The following ABAT variants were observed in gnomAD, a reference collection of about 807,000 sequenced individuals.
The protein encoded by ABAT is 4-aminobutyrate aminotransferase, mitochondrial.
Under a neutral mutation model 64.6 loss-of-function variants are expected in ABAT, and 45 were observed. The observed-to-expected ratio is 0.70, with a 90% CI of 0.55 to 0.89. The LOEUF (loss-of-function observed/expected upper bound fraction) is 0.89, where lower values mean the gene tolerates loss of function less well. ABAT is among the 40% of genes least tolerant of loss of function. The probability of loss-of-function intolerance (pLI) is 0.00; values close to 1 mark genes in which losing one functional copy is unlikely to be tolerated. For synonymous variants in ABAT, 297 were observed against 250.5 expected (o/e 1.19, Z -1.75); for missense variants, 633 against 658.4 (o/e 0.96, Z 0.42).
chr16:8,712,357 A>G (rs1422638414), intron 1 of ABAT, among the ~76,000 whole-genome samples: 1 of 152,224 alleles, frequency 6.6e-6, no homozygotes, highest in Admixed American at 6.5e-5. Flanking sequence ...AAATGCATCA[A>G]AAACAGGATG....
intron 1 of ABAT, among the ~76,000 whole-genome samples, chr16:8,692,387 T>G (rs971759316): frequency 2.0e-5 from 3 of 152,146 alleles, no homozygotes; most frequent in Admixed American, 6.6e-5. Flanking sequence ...AAAAAATACA[T>G]TATAATTAAT....
chr16:8,708,464 GC>G (rs2057998909), intron 1 of ABAT, among the ~76,000 whole-genome samples: 1 of 151,870 alleles, frequency 6.6e-6, no homozygotes, highest in Non-Finnish European at 1.5e-5. Context: ...GTGGTGGGGG[GC>G]GCAGGTGGCT....
At chr16:8,767,929 G>A (rs554694753) in intron 9 of ABAT, among the ~76,000 whole-genome samples, 17 of 152,014 alleles carry the variant, frequency 1.1e-4, no homozygotes, top group Admixed American at 7.2e-4. Context: ...GCCTGCCTCA[G>A]CCTTCCAAAG....
chr16:8,708,142 A>G (rs538220036), intron 1 of ABAT, among the ~76,000 whole-genome samples: 1 of 148,282 alleles, frequency 6.7e-6, no homozygotes, highest in South Asian at 2.2e-4. Flanking sequence ...CATTCCCTCT[A>G]ATTCTCAGCC....
At chr16:8,701,918 G>A (rs544540942) in intron 1 of ABAT, among the ~76,000 whole-genome samples, 3 of 151,506 alleles carry the variant, frequency 2.0e-5, no homozygotes, top group South Asian at 4.2e-4. Flanking sequence ...AGTGTGGCTG[G>A]AGCAGAGCAG....
At chr16:8,685,757 A>G (rs902818706) in intron 1 of ABAT, among the ~76,000 whole-genome samples, 2 of 152,188 alleles carry the variant, frequency 1.3e-5, no homozygotes, top group African/African-American at 4.8e-5. Flanking sequence ...ATGGAGAGGC[A>G]TGGGTGGATG....
intron 1 of ABAT, among the ~76,000 whole-genome samples, chr16:8,728,049 C>T (rs1351522071): frequency 4.0e-5 from 6 of 150,000 alleles, no homozygotes; most frequent in South Asian, 2.1e-4. Flanking sequence ...CCAGCCTGGG[C>T]GACAGAGTGA....
chr16:8,730,836 C>A (rs2058697654), intron 1 of ABAT, among the ~76,000 whole-genome samples: 1 of 152,210 alleles, frequency 6.6e-6, no homozygotes, highest in South Asian at 2.1e-4. Flanking sequence ...CTCTCAACCC[C>A]AACGCTGGCT....
chr16:8,765,464 G>C (rs2059917666), intron 8 of ABAT, among the ~76,000 whole-genome samples: 1 of 152,062 alleles, frequency 6.6e-6, no homozygotes, highest in Non-Finnish European at 1.5e-5. Flanking sequence ...AAGAGTTCAA[G>C]ACCAGCCTGG....
intron 1 of ABAT, among the ~76,000 whole-genome samples, chr16:8,702,567 A>C (rs1027326530): frequency 1.3e-5 from 2 of 152,098 alleles, no homozygotes; most frequent in Non-Finnish European, 2.9e-5. Context: ...TCTTTTAAAC[A>C]ACCACATCTC....
At chr16:8,696,518 T>G (rs1273372) in intron 1 of ABAT, among the ~76,000 whole-genome samples, 14,850 of 151,596 alleles carry the variant, frequency 0.098, 826 homozygotes, top group Middle Eastern at 0.17. Flanking sequence ...TACTCAGGAG[T>G]CTGAGACAGG....
intron 2 of ABAT, among the ~76,000 whole-genome samples, chr16:8,742,322 A>C (rs1357009046): frequency 4.6e-5 from 7 of 152,228 alleles, no homozygotes; most frequent in African/African-American, 9.6e-5. Flanking sequence ...CCGGTTCCCA[A>C]GAAATCTGAT....
intron 5 of ABAT, among the ~76,000 whole-genome samples, chr16:8,751,215 CTGGGAT>C (rs2059471783): frequency 6.6e-6 from 1 of 152,114 alleles, no homozygotes; most frequent in Non-Finnish European, 1.5e-5. Context: ...TCCCACAGTG[CTGGGAT>C]TACAGGTGTG....
Position 8,774,925 on chromosome 16 carries a change from C to T in ABAT, c.990C>T (p.Thr330=), listed in dbSNP as rs369874487. The T allele has an allele frequency of 2.7e-5, 44 of 1,614,058 alleles. No homozygotes were observed. The highest frequency in any genetic ancestry group is 1.6e-4 in the East Asian group (7 of 44,872). The change falls in exon 13 of 16, where the codon ACC becomes ACT. Residue 330 remains threonine (T), a synonymous_variant. Transcript: ENST00000268251. The part of the protein sequence containing the change: ...GCAFLVDEVQ[T]GGGCTGKFWA... ...CCTTCTTGGTGGACGAGGTCCAGAC[C>T]GGAGGAGGCTGCACGGGCAAGTTCT... is the stretch of plus-strand genomic sequence containing the variant.
chr16:8,708,906 G>A lies in ABAT; in HGVS notation c.-41-26793G>A, dbSNP rs139646675. Among the ~76,000 whole-genome samples the A allele has an allele frequency of 3.5e-3, 526 of 152,210 alleles. 5 individuals carry two copies. The highest frequency in any genetic ancestry group is 0.012 in the African/African-American group (493 of 41,536). ...TGCTCAATAAACGGCGGCCAGTATT[G>A]TTATTTAAGGTTTACACTCACTTTA... On this transcript the variant is annotated intron_variant, in intron 1 of 15. Transcript: ENST00000268251.
At chr16:8,774,129 A>T (rs1435749216) in intron 12 of ABAT, among the ~76,000 whole-genome samples, 1 of 152,086 alleles carries the variant, frequency 6.6e-6, no homozygotes, top group Non-Finnish European at 1.5e-5. Context: ...GGGTTTCGCC[A>T]TGTTGGCCAG....
At chr16:8,709,797 C>T (rs2058028966) in intron 1 of ABAT, among the ~76,000 whole-genome samples, 1 of 151,700 alleles carries the variant, frequency 6.6e-6, no homozygotes, top group Non-Finnish European at 1.5e-5. Context: ...TAGCAGTACT[C>T]CCTGTATGCT....
intron 1 of ABAT, among the ~76,000 whole-genome samples, chr16:8,694,911 C>A (rs1482088857): frequency 6.6e-6 from 1 of 152,200 alleles, no homozygotes; most frequent in Non-Finnish European, 1.5e-5. Flanking sequence ...CGGTTTGGGA[C>A]ACACAGAGAA....
In ABAT at chr16:8,675,536, C is replaced by T. The variant is rs558260533; in HGVS notation, c.-42+825C>T. On this transcript the variant is annotated intron_variant, in intron 1 of 15. Coordinates refer to ENST00000268251, the MANE Select transcript of ABAT (RefSeq NM_020686.6). ...CCCAATCCCATCCTTCTCCACCTCA[C>T]CCCAACTCCACTCCCACACCTGGCT... 1.1e-4 allele frequency among the ~76,000 whole-genome samples: 16 copies of T among 152,262 alleles called. No homozygotes were observed. In the South Asian group the frequency reaches 3.1e-3, roughly 30 times the overall value.
Sources: allele counts gnomAD v4.1 joint callset (sites outside exome capture counted in the v4.1 genomes callset), GRCh38; gene constraint gnomAD v4.1.1; transcripts MANE v1.5; gene names NCBI Gene and HGNC (gene_info 2026-07-23, HGNC 2026-07-21).